Variants in CUL1 observed in about 807,000 individuals in gnomAD.
CUL1 encodes cullin 1.
CUL1 carries 24 observed loss-of-function variants against 118.0 expected under a neutral mutation model. That is an observed-to-expected ratio of 0.20 (90% confidence interval 0.15 to 0.29). The LOEUF is 0.29. Ranked by LOEUF, CUL1 falls within the 10% of genes least tolerant of loss-of-function variation. The probability of loss-of-function intolerance (pLI) is 1.00; values close to 1 mark genes in which losing one functional copy is unlikely to be tolerated. For synonymous variants in CUL1, 332 were observed against 340.4 expected, an observed-to-expected ratio of 0.98 and a Z score of 0.27; for missense variants, 361 against 933.8, an observed-to-expected ratio of 0.39 and a Z score of 7.99.
At chr7:148,699,209 G>A (rs1055098710) in intron 1 of CUL1, among the ~76,000 whole-genome samples, 180 bp downstream of exon 1, 1 of 151,996 alleles carries the variant, frequency 6.6e-6, no homozygotes, top group African/African-American at 2.4e-5. Context: ...GGGGACTCGT[G>A]GGCGGAGGAC....
intron 2 of CUL1, among the ~76,000 whole-genome samples, chr7:148,744,682 A>T (rs145050427): frequency 1.5e-3 from 229 of 152,316 alleles, no homozygotes; most frequent in African/African-American, 5.0e-3. Flanking sequence ...TAAGAAAAGT[A>T]TATTTACCCA....
chr7:148,790,237 G>T (rs933436), intron 15 of CUL1, 73 bp from the exon 16 acceptor site: 925,240 of 1,491,278 alleles, frequency 0.62, 289,793 homozygotes, highest in African/African-American at 0.81. Context: ...TGGAACAGTG[G>T]GCTTTACTTA....
Position 148,769,397 on chromosome 7 carries a change from T to TCACACACACACACACA in CUL1, c.1083+1685_1083+1700dup, listed in dbSNP as rs55858322. On this transcript the variant is annotated intron_variant, in intron 9 of 21. Coordinates refer to ENST00000325222, the MANE Select transcript of CUL1 (RefSeq NM_003592.3). ...TAAATGTTCCTTTAAAGGGCCTGAT[T>TCACACACACACACACA]CACACACACACACACACACACACAC... Among the ~76,000 whole-genome samples, 182 of 129,102 alleles carry TCACACACACACACACA rather than the reference T, an allele frequency of 1.4e-3. 2 individuals carry two copies. The highest frequency in any genetic ancestry group is 4.0e-3 in the African/African-American group (137 of 33,872). The allele number at this position is 129,102 out of a possible 152,430, so 84.7% of individuals were successfully genotyped here.
intron 2 of CUL1, among the ~76,000 whole-genome samples, chr7:148,734,790 C>G (rs186711636): frequency 6.6e-6 from 1 of 152,140 alleles, no homozygotes; most frequent in Non-Finnish European, 1.5e-5. Context: ...GTCAGGTCAC[C>G]TGTTGGAGGT....
At chr7:148,759,211 A>T (rs1799759704) in intron 4 of CUL1, 93 bp from the exon 5 acceptor site, 5 of 1,249,120 alleles carry the variant, frequency 4.0e-6, no homozygotes, top group Admixed American at 1.9e-5. Context: ...AGAAATTTTG[A>T]TAAAGTAATT....
intron 1 of CUL1, among the ~76,000 whole-genome samples, chr7:148,724,014 G>A (rs1374903303): frequency 6.6e-6 from 1 of 152,204 alleles, no homozygotes; most frequent in East Asian, 1.9e-4. Flanking sequence ...ACTAAAGCTA[G>A]TCATCCCTTG....
chr7:148,744,851 T>C (rs1379193634), intron 2 of CUL1, among the ~76,000 whole-genome samples: 1 of 152,226 alleles, frequency 6.6e-6, no homozygotes, highest in Non-Finnish European at 1.5e-5. Context: ...CTTTGAAGGA[T>C]ATTTTCACTG....
chr7:148,748,875 A>T (rs940924517), intron 2 of CUL1, among the ~76,000 whole-genome samples: 5 of 152,240 alleles, frequency 3.3e-5, no homozygotes, highest in Non-Finnish European at 7.3e-5. Context: ...TGGAAATCTA[A>T]ACTGTTTAAC....
intron 4 of CUL1, among the ~76,000 whole-genome samples, chr7:148,757,608 C>T (rs540714183): frequency 1.3e-5 from 2 of 152,194 alleles, no homozygotes; most frequent in East Asian, 1.9e-4. Flanking sequence ...CAGTAATATA[C>T]GTTTCTTCAG....
chr7:148,733,997 A>C (rs1798856040), intron 2 of CUL1, among the ~76,000 whole-genome samples: 1 of 152,028 alleles, frequency 6.6e-6, no homozygotes, highest in Admixed American at 6.6e-5. Flanking sequence ...TTTTCAACTC[A>C]AAATGGTGAA....
intron 17 of CUL1, among the ~76,000 whole-genome samples, chr7:148,794,290 T>G (rs1265238615): frequency 6.6e-6 from 1 of 152,170 alleles, no homozygotes; most frequent in African/African-American, 2.4e-5. Flanking sequence ...TTGGTGTCAT[T>G]TTTAAGGAAT....
chr7:148,739,564 C>T (rs1799074420), intron 2 of CUL1, among the ~76,000 whole-genome samples: 1 of 152,096 alleles, frequency 6.6e-6, no homozygotes, highest in African/African-American at 2.4e-5. Context: ...TCTTTCGCCT[C>T]CTGTTTTTTC....
chr7:148,781,738 G>T (rs1346343220), intron 9 of CUL1, among the ~76,000 whole-genome samples: 1 of 152,202 alleles, frequency 6.6e-6, no homozygotes, highest in African/African-American at 2.4e-5. Flanking sequence ...GGGAATGAGG[G>T]TGAAGGCGTG....
intron 7 of CUL1, among the ~76,000 whole-genome samples, chr7:148,761,102 A>C (rs1584797239): frequency 6.6e-6 from 1 of 152,196 alleles, no homozygotes; most frequent in Non-Finnish European, 1.5e-5. Context: ...CTTGGGCTTA[A>C]GTGATCCTGC....
intron 1 of CUL1, among the ~76,000 whole-genome samples, chr7:148,712,716 A>G (rs1798088299): frequency 6.6e-6 from 1 of 152,228 alleles, no homozygotes; most frequent in Admixed American, 6.5e-5. Context: ...TACAACAGGT[A>G]CTACAGTATT....
chr7:148,721,306 C>G (rs1798388168), intron 1 of CUL1, among the ~76,000 whole-genome samples: 1 of 152,180 alleles, frequency 6.6e-6, no homozygotes, highest in Non-Finnish European at 1.5e-5. Context: ...CTTCCCAAAC[C>G]CATCGTTACC....
intron 21 of CUL1, 69 bp downstream of exon 21, chr7:148,799,457 G>A: frequency 9.5e-7 from 1 of 1,055,348 alleles, no homozygotes; most frequent in Non-Finnish European, 1.4e-6. Flanking sequence ...GCAAAAAGTG[G>A]ATTGATTGCT....
chr7:148,798,733 G>T (rs555141093), intron 20 of CUL1, 56 bp downstream of exon 20: 3 of 1,401,590 alleles, frequency 2.1e-6, no homozygotes, highest in Non-Finnish European at 3.0e-6. Context: ...GGGATGGCTC[G>T]CAAGGACGGG....
intron 7 of CUL1, among the ~76,000 whole-genome samples, chr7:148,760,706 G>T (rs117090586): frequency 2.0e-5 from 3 of 152,106 alleles, no homozygotes; most frequent in Non-Finnish European, 2.9e-5. Context: ...TCTCCTTGCT[G>T]TTCTAAGGAT....
Sources: allele counts gnomAD v4.1 joint callset (sites outside exome capture counted in the v4.1 genomes callset), GRCh38; gene constraint gnomAD v4.1.1; transcripts MANE v1.5; gene names NCBI Gene and HGNC (gene_info 2026-07-23, HGNC 2026-07-21).